The following SH3BP4 variants were observed in gnomAD, a reference collection of about 807,000 sequenced individuals.
SH3BP4 encodes the protein SH3 domain binding protein 4, also known as SH3 domain-binding protein 4.
A neutral mutation model predicts 65.5 loss-of-function variants in SH3BP4; 33 were observed. That is an observed-to-expected ratio of 0.50 (90% CI 0.38 to 0.67). The LOEUF is 0.67. Among genes scored for constraint, SH3BP4 ranks in the 30% least tolerant of loss-of-function variants. The pLI, the probability that SH3BP4 is intolerant of heterozygous loss-of-function variation, is 0.00. For synonymous variants in SH3BP4, 552 were observed against 545.5 expected, an observed-to-expected ratio of 1.01 and a Z score of -0.17; for missense variants, 1,134 against 1,261.4, an observed-to-expected ratio of 0.90 and a Z score of 1.53.
intron 1 of SH3BP4, among the ~76,000 whole-genome samples, chr2:234,970,067 ACT>A (rs1246230057): frequency 7.4e-4 from 96 of 129,134 alleles, no homozygotes; most frequent in African/African-American, 3.0e-3. Flanking sequence ...TCATACACAC[ACT>A]CACACTGTCA....
At chr2:235,032,802 C>T (rs1695247113) in intron 2 of SH3BP4, among the ~76,000 whole-genome samples, 1 of 152,090 alleles carries the variant, frequency 6.6e-6, no homozygotes, top group Non-Finnish European at 1.5e-5. Context: ...CTGGCATGAG[C>T]ACCGTCACTG....
At chr2:235,006,589 G>C (rs1490992297) in intron 2 of SH3BP4, among the ~76,000 whole-genome samples, 1 of 152,192 alleles carries the variant, frequency 6.6e-6, no homozygotes, top group African/African-American at 2.4e-5. Context: ...GTGCTCTCAG[G>C]AGTCTGTGGA....
At chr2:234,993,264 G>T (rs908716866) in intron 1 of SH3BP4, among the ~76,000 whole-genome samples, 2 of 152,140 alleles carry the variant, frequency 1.3e-5, no homozygotes, top group Non-Finnish European at 2.9e-5. Context: ...CACTGGACTC[G>T]CCCCCCGCCT....
chr2:235,011,205 TAGAACCCTTCCTCTCTCTCCTAGG>T (rs1559243125), intron 2 of SH3BP4, among the ~76,000 whole-genome samples: 5 of 147,382 alleles, frequency 3.4e-5, no homozygotes, highest in Non-Finnish European at 6.0e-5. Context: ...CTCCCTCTCC[TAGAACCCTTCCTCTCTCTCCTAGG>T]AGAACCCTTC....
chr2:235,041,864 G>A lies in SH3BP4; in HGVS notation c.1095G>A (p.Glu365=), dbSNP rs778304191. 1.2e-6 allele frequency: 2 copies of A among 1,610,432 alleles called. No homozygotes were observed. Among genetic ancestry groups the A allele is most frequent in the Non-Finnish European group, 1.7e-6 (2 of 1,177,726 alleles). ...AAGCCCTGCTGGACCCCCCGCTGGA[G>A]CTCAACAGTGACAGGTCCTGCAGCA... ...SMKALLDPPL[E]LNSDRSCSIS... Residue 365 remains glutamate (E), a synonymous_variant, in exon 4 of 6, where the codon GAG becomes GAA. Transcript: ENST00000392011. This position sits in a 1 kb window ranked among gnomAD's most constrained non-coding sequence, Gnocchi z 6.0.
In SH3BP4 at chr2:235,035,231, A is replaced by G. The variant is rs1332210110; in HGVS notation, c.118+111A>G. 4 of 811,058 alleles carry G rather than the reference A, an allele frequency of 4.9e-6. No homozygotes were observed. In the East Asian group the frequency reaches 9.7e-5, roughly 20 times the overall value. The allele number at this position is 811,058 out of a possible 1,614,324, so 50.2% of individuals were successfully genotyped here. A position where few individuals can be genotyped will look rare whatever the true frequency, so the allele number is the denominator to read the frequency against. ...TTGCCAGTTTAGCATTCAGATAGTT[A>G]AAGTTTAGTTCTTTAAACTTCATCA... is the stretch of plus-strand genomic sequence containing the variant. On this transcript the variant is annotated intron_variant, in intron 3 of 5. Transcript: ENST00000392011. This position sits in a 1 kb window ranked among gnomAD's most constrained non-coding sequence, Gnocchi z 5.0.
intron 1 of SH3BP4, among the ~76,000 whole-genome samples, chr2:234,964,749 G>A (rs1012352731): frequency 6.6e-6 from 1 of 152,150 alleles, no homozygotes; most frequent in African/African-American, 2.4e-5. Flanking sequence ...CAGGTGGCTG[G>A]ATCGGACAGG....
At chr2:234,959,696 C>T (rs929481553) in intron 1 of SH3BP4, among the ~76,000 whole-genome samples, 33 of 150,738 alleles carry the variant, frequency 2.2e-4, no homozygotes, top group African/African-American at 5.6e-4. Flanking sequence ...CTCTTGCCCA[C>T]GCTGGAGTGC....
chr2:235,046,514 C>T lies in SH3BP4; in HGVS notation c.2478+3267C>T, dbSNP rs1695863939. On this transcript the variant is annotated intron_variant, in intron 4 of 5. Transcript: ENST00000392011. This position sits in a 1 kb window ranked among gnomAD's most constrained non-coding sequence, Gnocchi z 4.2. ...TTGAGCCCAGGAGGTCGAGGCTACA[C>T]TGAGCTATGATCGCAGCACTGCACT... 1.3e-5 allele frequency among the ~76,000 whole-genome samples: 2 copies of T among 151,992 alleles called. No homozygotes were observed. Among genetic ancestry groups the T allele is most frequent in the Non-Finnish European group, 2.9e-5 (2 of 68,016 alleles).
rs780291299 is a variant in SH3BP4 at position 235,042,120 on chromosome 2, G to A, written c.1351G>A (p.Val451Met). Residue 451 changes from valine (V) to methionine (M), a missense_variant, in exon 4 of 6, where the codon GTG (valine) becomes ATG (methionine). By Grantham distance (21) the Val-to-Met change is conservative. Coordinates refer to ENST00000392011, the MANE Select transcript of SH3BP4 (RefSeq NM_014521.3). This position sits in a 1 kb window ranked among gnomAD's most constrained non-coding sequence, Gnocchi z 7.3. Reference protein sequence around the residue: ...QLHNLEPCMYVAVVAHGPSIL... With the variant: ...QLHNLEPCMYMAVVAHGPSIL... ...GCACAACCTGGAGCCCTGTATGTAC[G>A]TGGCTGTCGTGGCCCATGGCCCAAG... The A allele has an allele frequency of 2.9e-5, 46 of 1,613,912 alleles. No homozygotes were observed. Among genetic ancestry groups the A allele is most frequent in the South Asian group, 1.8e-4 (16 of 91,088 alleles).
At chr2:234,990,703 A>C (rs780573970) in intron 1 of SH3BP4, among the ~76,000 whole-genome samples, 1 of 152,108 alleles carries the variant, frequency 6.6e-6, no homozygotes, top group Non-Finnish European at 1.5e-5. Flanking sequence ...GAGCCGTGAG[A>C]ATTACTTTGA....
rs1321742752 is a variant in SH3BP4, at chr2:234,974,063, C to T, written c.-206-21240C>T. Among the ~76,000 whole-genome samples, 2 of 152,028 alleles carry T rather than the reference C, an allele frequency of 1.3e-5. No homozygotes were observed. Among genetic ancestry groups the T allele is most frequent in the African/African-American group, 4.8e-5 (2 of 41,418 alleles). On this transcript the variant is annotated intron_variant, in intron 1 of 5. Transcript: ENST00000392011. The surrounding 1 kb of genome is among the most constrained non-coding windows in gnomAD (Gnocchi z 4.6). ...CAGCTCCTCACTGGCTCTGGGAAAA[C>T]TCATTTAGCGATTTGTGAAGGACCT...
chr2:235,038,396 TATATA>T (rs1559254851), intron 3 of SH3BP4, among the ~76,000 whole-genome samples: 3 of 77,752 alleles, frequency 3.9e-5, no homozygotes, highest in African/African-American at 1.5e-4. Flanking sequence ...TATATATATA[TATATA>T]TATATATATA....
chr2:235,021,177 G>A (rs1304791995), intron 2 of SH3BP4, among the ~76,000 whole-genome samples: 1 of 152,148 alleles, frequency 6.6e-6, no homozygotes, highest in Non-Finnish European at 1.5e-5. Context: ...AATCAATGGG[G>A]ACCCAACCAC....
rs1574856382 is a variant in SH3BP4, at chr2:235,054,596, G to C, written c.*780G>C. Reference sequence around the variant, plus strand: ...CAGCCATGAGTTGACAGTCTTTAGGGCCCCTGCCAGTGTGCAATTAGTCAT... The same window carrying C: ...CAGCCATGAGTTGACAGTCTTTAGGCCCCCTGCCAGTGTGCAATTAGTCAT... On this transcript the variant is annotated 3_prime_UTR_variant, in exon 6 of 6. Coordinates refer to ENST00000392011, the MANE Select transcript of SH3BP4 (RefSeq NM_014521.3). 1 of 152,214 alleles carries C rather than the reference G, an allele frequency of 6.6e-6. No homozygotes were observed. Among genetic ancestry groups the C allele is most frequent in the Non-Finnish European group, 1.5e-5 (1 of 68,046 alleles). 9.4% of individuals were successfully genotyped at this position (152,214 alleles called of 1,614,324 possible).
At chr2:235,053,286 T>C (rs1696120700) in intron 5 of SH3BP4, among the ~76,000 whole-genome samples, 1 of 152,198 alleles carries the variant, frequency 6.6e-6, no homozygotes, top group South Asian at 2.1e-4. Flanking sequence ...ATGAATGGGA[T>C]GAATTTCCAA....
In SH3BP4 at chr2:234,978,399, T is replaced by C. The variant is rs1693238722; in HGVS notation, c.-206-16904T>C. On this transcript the variant is annotated intron_variant, in intron 1 of 5. Transcript: ENST00000392011. This position sits in a 1 kb window ranked among gnomAD's most constrained non-coding sequence, Gnocchi z 4.1. ...GAGGAGGGTGGGTAAAAATGCAGGG[T>C]CCTCCTCACTGCAGTCACTGCGGGA... Among the ~76,000 whole-genome samples the C allele has an allele frequency of 6.6e-6, 1 of 152,060 alleles. No individual in the cohort carries two copies. The highest frequency in any genetic ancestry group is 1.5e-5 in the Non-Finnish European group (1 of 68,010).
intron 1 of SH3BP4, among the ~76,000 whole-genome samples, chr2:234,953,879 G>A (rs1367298710): frequency 2.6e-5 from 4 of 151,854 alleles, no homozygotes; most frequent in African/African-American, 9.7e-5. Flanking sequence ...CTTGGGAAGA[G>A]GCAGCGCTCT....
chr2:234,970,536 C>T (rs761407000), intron 1 of SH3BP4, among the ~76,000 whole-genome samples: 2 of 152,208 alleles, frequency 1.3e-5, no homozygotes, highest in Non-Finnish European at 2.9e-5. Flanking sequence ...TACAAAACTT[C>T]GGGTGTGCAT....
Sources: gnomAD v4.1 joint callset for allele counts (sites outside exome capture counted in the v4.1 genomes callset) on GRCh38, gnomAD v4.1.1 for gene constraint, Gnocchi (gnomAD v3.1) non-coding constraint, MANE v1.5 for transcripts, NCBI Gene and HGNC (gene_info 2026-07-23, HGNC 2026-07-21) for gene names.